The following SLC35E3 variants were observed in gnomAD, a reference collection of about 807,000 sequenced individuals.
SLC35E3 encodes the protein solute carrier family 35 member E3.
Under a neutral mutation model 30.8 loss-of-function variants are expected in SLC35E3, and 28 were observed. The observed-to-expected ratio is 0.91, with a 90% CI of 0.67 to 1.25. SLC35E3 has a LOEUF of 1.25. Ranked by LOEUF, SLC35E3 falls within the 50% of genes most tolerant of loss-of-function variation. The pLI is 0.00. For missense variants in SLC35E3, 365 were observed against 375.4 expected (o/e 0.97, Z 0.23); for synonymous variants, 146 against 149.2 (o/e 0.98, Z 0.16).
chr12:68,763,956 T>G (rs1056896310), intron 4 of SLC35E3, among the ~76,000 whole-genome samples: 17 of 152,126 alleles, frequency 1.1e-4, no homozygotes, highest in African/African-American at 3.9e-4. Flanking sequence ...GTAAACGTGA[T>G]GCCTAACTTC....
rs761946845 is a variant in SLC35E3, at chr12:68,764,927, A to G, written c.*37A>G. The G allele has an allele frequency of 3.0e-5, 47 of 1,592,942 alleles. No homozygotes were observed. The highest frequency in any genetic ancestry group is 9.4e-6 in the Non-Finnish European group (11 of 1,168,790). ...TGGAGAAAAGAATGTTGTCCCAAGA[A>G]GATAAAAAATATTGTTAAGTGTGCA... On this transcript the variant is annotated 3_prime_UTR_variant, in exon 5 of 5. Transcript: ENST00000398004.
intron 2 of SLC35E3, among the ~76,000 whole-genome samples, chr12:68,750,162 G>C (rs1878737866): frequency 6.6e-6 from 1 of 152,118 alleles, no homozygotes; most frequent in Non-Finnish European, 1.5e-5. Context: ...AGGAAAGTAA[G>C]GCTCTGATCC....
At chr12:68,755,169 G>A (rs1265953714) in intron 3 of SLC35E3, among the ~76,000 whole-genome samples, 2 of 152,090 alleles carry the variant, frequency 1.3e-5, no homozygotes, top group Non-Finnish European at 2.9e-5. Flanking sequence ...ATTCATGAAG[G>A]CTCTGCCCTT....
At chr12:68,746,906 T>C (rs1485562588) in intron 1 of SLC35E3, 127 bp downstream of exon 1, 4 of 1,080,244 alleles carry the variant, frequency 3.7e-6, no homozygotes, top group Non-Finnish European at 5.2e-6. Context: ...TCTGTGGGCA[T>C]GTGAACTTTT....
chr12:68,746,690 C>T lies in SLC35E3; in HGVS notation c.313C>T (p.Leu105=). ...LQNNTIGTYQ[L]AKAMTTPVII... is the part of the protein sequence containing the mutation. Reference sequence around the variant, plus strand: ...GAACAACACCATAGGCACCTATCAGCTGGCCAAGGCCATGACCACGCCGGT... The same window carrying T: ...GAACAACACCATAGGCACCTATCAGTTGGCCAAGGCCATGACCACGCCGGT... Residue 105 remains leucine (L), a synonymous_variant, in exon 1 of 5, where the codon CTG becomes TTG. Transcript: ENST00000398004. 3 of 1,614,242 alleles carry T rather than the reference C, an allele frequency of 1.9e-6. No individual in the cohort carries two copies. The highest frequency in any genetic ancestry group is 2.2e-5 in the East Asian group (1 of 44,882).
Position 68,774,572 on chromosome 12 carries a change from TC to T in SLC35E3, c.*9684del, listed in dbSNP as rs1262537301. ...CCAGCCTGGGCAACAAGAGTGAAAC[TC>T]CATCTCAAAAAAAAAAAAATTAGGT... is the stretch of plus-strand genomic sequence containing the variant. On this transcript the variant is annotated 3_prime_UTR_variant, in exon 5 of 5. Coordinates refer to ENST00000398004, the MANE Select transcript of SLC35E3 (RefSeq NM_018656.5). The T allele has an allele frequency of 1.5e-5, 1 of 68,258 alleles. No individual in the cohort carries two copies. The highest frequency in any genetic ancestry group is 2.7e-5 in the Non-Finnish European group (1 of 36,928). 4.2% of individuals were successfully genotyped at this position (68,258 alleles called of 1,614,324 possible). A position where few individuals can be genotyped will look rare whatever the true frequency, so the allele number is the denominator to read the frequency against.
At position 68,772,665 on chromosome 12, in the gene SLC35E3, A is replaced by T. The variant is rs564026602; in HGVS notation, c.*7775A>T. The T allele has an allele frequency of 1.2e-4, 18 of 152,344 alleles. No individual in the cohort carries two copies. The highest frequency in any genetic ancestry group is 4.1e-4 in the African/African-American group (17 of 41,578). The allele number at this position is 152,344 out of a possible 1,614,324, so 9.4% of individuals were successfully genotyped here. On this transcript the variant is annotated 3_prime_UTR_variant, in exon 5 of 5. Transcript: ENST00000398004. ...AAAAATGTCTCGTAACTACTATGCCACAAGAACAAGCATGGATACTTATTT... is the reference window on the plus strand; with the variant it reads ...AAAAATGTCTCGTAACTACTATGCCTCAAGAACAAGCATGGATACTTATTT...
At chr12:68,747,624 A>G (rs1878642868) in intron 1 of SLC35E3, among the ~76,000 whole-genome samples, 1 of 152,168 alleles carries the variant, frequency 6.6e-6, no homozygotes, top group Non-Finnish European at 1.5e-5. Flanking sequence ...TGCTGTTTAG[A>G]CACTAGTTTG....
chr12:68,759,966 G>A, intron 4 of SLC35E3: 1 of 152,534 alleles, frequency 6.6e-6, no homozygotes. Flanking sequence ...CAGGCCACTG[G>A]CATCTGGCTA....
rs1878550176 is a variant in SLC35E3, at chr12:68,746,336, G to C, written c.-42G>C. 1.3e-6 allele frequency: 2 copies of C among 1,526,798 alleles called. No homozygotes were observed. The highest frequency in any genetic ancestry group is 1.8e-6 in the Non-Finnish European group (2 of 1,142,540). The allele number at this position is 1,526,798 out of a possible 1,614,324, so 94.6% of individuals were successfully genotyped here. On this transcript the variant is annotated 5_prime_UTR_variant, in exon 1 of 5. Transcript: ENST00000398004. ...AGAAGGGCAGCCGGAGACAGGCCCG[G>C]CGCCCCTTCCGAGGCTAGACGGCCC...
intron 4 of SLC35E3, among the ~76,000 whole-genome samples, chr12:68,760,375 G>GT (rs1404163666): frequency 6.6e-6 from 1 of 152,110 alleles, no homozygotes; most frequent in Non-Finnish European, 1.5e-5. Flanking sequence ...ACAACGATAA[G>GT]TTTTTTAGAA....
chr12:68,773,300 T>C lies in SLC35E3; in HGVS notation c.*8410T>C, dbSNP rs545595668. On this transcript the variant is annotated 3_prime_UTR_variant, in exon 5 of 5. Coordinates refer to ENST00000398004, the MANE Select transcript of SLC35E3 (RefSeq NM_018656.5). ...GTGGGAGGCTCAAAATCAATTACTC[T>C]GTTGAGGAGATGGAATCTCCTGGAA... 3 of 152,338 alleles carry C rather than the reference T, an allele frequency of 2.0e-5. No individual in the cohort carries two copies. The South Asian group carries it at 6.2e-4, about 32-fold the overall frequency. 9.4% of individuals were successfully genotyped at this position (152,338 alleles called of 1,614,324 possible).
chr12:68,762,348 G>A (rs554026414), intron 4 of SLC35E3, among the ~76,000 whole-genome samples: 39 of 152,304 alleles, frequency 2.6e-4, no homozygotes, highest in African/African-American at 9.4e-4. Flanking sequence ...ATGAGAAGGA[G>A]CAGTCAGAGG....
Position 68,769,075 on chromosome 12 carries a change from C to G in SLC35E3, c.*4185C>G, listed in dbSNP as rs1302608189. 1 of 151,358 alleles carries G rather than the reference C, an allele frequency of 6.6e-6. No homozygotes were observed. Among genetic ancestry groups the G allele is most frequent in the Non-Finnish European group, 1.5e-5 (1 of 67,944 alleles). 9.4% of individuals were successfully genotyped at this position (151,358 alleles called of 1,614,324 possible). A position where few individuals can be genotyped will look rare whatever the true frequency, so the allele number is the denominator to read the frequency against. On this transcript the variant is annotated 3_prime_UTR_variant, in exon 5 of 5. Transcript: ENST00000398004. The stretch of plus-strand genomic sequence containing the variant: ...TGGCCAATATGGTGAAACCTTGTCT[C>G]TACTAAAAATACAAAAATTAGCCAG...
chr12:68,753,806 C>CCACACA (rs765396545), intron 3 of SLC35E3, among the ~76,000 whole-genome samples: 1 of 23,370 alleles, frequency 4.3e-5, no homozygotes, highest in Non-Finnish European at 9.8e-5. Flanking sequence ...CCGTATATAT[C>CCACACA]CATACACACA....
In SLC35E3 at chr12:68,772,412, T is replaced by C. The variant is rs1360481009; in HGVS notation, c.*7522T>C. On this transcript the variant is annotated 3_prime_UTR_variant, in exon 5 of 5. Coordinates refer to ENST00000398004, the MANE Select transcript of SLC35E3 (RefSeq NM_018656.5). The stretch of plus-strand genomic sequence containing the variant: ...TCATAGATACCATTTTTATAACTTA[T>C]ATGAGACGCATTTAATGTAATCATA... 6.6e-6 allele frequency: 1 copy of C among 152,202 alleles called. No homozygotes were observed. The highest frequency in any genetic ancestry group is 2.4e-5 in the African/African-American group (1 of 41,454). 9.4% of individuals were successfully genotyped at this position (152,202 alleles called of 1,614,324 possible).
chr12:68,747,113 G>A (rs1878614184), intron 1 of SLC35E3, among the ~76,000 whole-genome samples: 1 of 152,062 alleles, frequency 6.6e-6, no homozygotes, highest in South Asian at 2.1e-4. Flanking sequence ...TCTCCCCCAG[G>A]GGAATCAAAT....
intron 3 of SLC35E3, among the ~76,000 whole-genome samples, chr12:68,754,128 AGC>A (rs1878916067): frequency 6.6e-6 from 1 of 152,012 alleles, no homozygotes; most frequent in African/African-American, 2.4e-5. Context: ...TACAGTCATG[AGC>A]CACCGTGTCC....
intron 3 of SLC35E3, 43 bp from the exon 4 acceptor site, chr12:68,759,114 A>T (rs1329620566): frequency 1.6e-6 from 2 of 1,249,572 alleles, no homozygotes; most frequent in South Asian, 2.5e-5. Context: ...GATGATTATG[A>T]TTGCAGTGCT....
Sources: allele counts gnomAD v4.1 joint callset (sites outside exome capture counted in the v4.1 genomes callset), GRCh38; gene constraint gnomAD v4.1.1; transcripts MANE v1.5; gene names NCBI Gene and HGNC (gene_info 2026-07-23, HGNC 2026-07-21).